The following CACNA2D3 variants were observed in gnomAD, a reference collection of about 807,000 sequenced individuals.
CACNA2D3 encodes calcium voltage-gated channel auxiliary subunit alpha2delta 3, also known as voltage-dependent calcium channel subunit alpha-2/delta-3.
A neutral mutation model predicts 160.6 loss-of-function variants in CACNA2D3; 60 were observed. The observed-to-expected ratio is 0.37, with a 90% CI of 0.30 to 0.46. The LOEUF (loss-of-function observed/expected upper bound fraction) is 0.46, where lower values mean the gene tolerates loss of function less well. Ranked by LOEUF, CACNA2D3 falls within the 20% of genes least tolerant of loss-of-function variation. The probability of loss-of-function intolerance (pLI) is 1.00; values close to 1 mark genes in which losing one functional copy is unlikely to be tolerated. For synonymous variants in CACNA2D3, 558 were observed against 492.9 expected, an observed-to-expected ratio of 1.13 and a Z score of -1.75; for missense variants, 1,205 against 1,365.0, an observed-to-expected ratio of 0.88 and a Z score of 1.85.
At chr3:54,602,497 CAAAAAAAAA>C (rs1156290031) in intron 9 of CACNA2D3, among the ~76,000 whole-genome samples, 1 of 71,212 alleles carries the variant, frequency 1.4e-5, no homozygotes, top group African/African-American at 5.5e-5. Flanking sequence ...GATTCCATCT[CAAAAAAAAA>C]AAAAAAAAAA....
intron 2 of CACNA2D3, among the ~76,000 whole-genome samples, chr3:54,285,676 C>A (rs541451519): frequency 1.3e-5 from 2 of 152,328 alleles, no homozygotes; most frequent in Non-Finnish European, 2.9e-5. Flanking sequence ...TGGGAGGCAC[C>A]CCCCAGTAGG....
At chr3:54,262,113 A>G (rs948220287) in intron 2 of CACNA2D3, among the ~76,000 whole-genome samples, 11 of 152,270 alleles carry the variant, frequency 7.2e-5, no homozygotes, top group Admixed American at 2.0e-4. Context: ...ACGTTCCCAG[A>G]ACCCACGACA....
In CACNA2D3 at chr3:55,018,317, A is replaced by C. The variant is rs749815729; in HGVS notation, c.2987A>C (p.Lys996Thr). The stretch of plus-strand genomic sequence containing the variant: ...AATATTGCTTGTGAAGACTGCTCCA[A>C]GTAAGCCATCCCCCCACCCTCTAAC... ...TGNIACEDCS[K>T]SFVIQQIPSS... The change falls in exon 35 of 38, where the codon AAG becomes ACG. Residue 996 changes from lysine to threonine, a missense_variant and splice_region_variant. Physicochemically the swap from Lys to Thr is moderately conservative, Grantham distance 78. Around this residue, in one of 3 missense-constraint regions of CACNA2D3, gnomAD observed 911 missense variants for 1,002.2 expected, o/e 0.91. Coordinates refer to ENST00000474759, the MANE Select transcript of CACNA2D3 (RefSeq NM_018398.3). 1 of 1,587,804 alleles carries C rather than the reference A, an allele frequency of 6.3e-7. No individual in the cohort carries two copies. Among genetic ancestry groups the C allele is most frequent in the East Asian group, 2.2e-5 (1 of 44,642 alleles).
intron 27 of CACNA2D3, among the ~76,000 whole-genome samples, chr3:54,962,496 A>C (rs975683053): frequency 9.9e-5 from 15 of 152,184 alleles, no homozygotes; most frequent in Admixed American, 9.2e-4. Context: ...TGACAACACT[A>C]TCAACTAGTT....
At chr3:54,831,263 A>C (rs758776525) in intron 14 of CACNA2D3, among the ~76,000 whole-genome samples, 3 of 152,182 alleles carry the variant, frequency 2.0e-5, no homozygotes, top group Non-Finnish European at 4.4e-5. Context: ...GCAGTCCTCA[A>C]ATGGGCTGCC....
chr3:55,040,368 ATTAT>A (rs1293683753), intron 35 of CACNA2D3, among the ~76,000 whole-genome samples: 2 of 152,204 alleles, frequency 1.3e-5, no homozygotes, highest in Non-Finnish European at 2.9e-5. Context: ...CAGCATAATA[ATTAT>A]TTAAGCTACA....
At chr3:54,513,403 T>G (rs1351806798) in intron 5 of CACNA2D3, among the ~76,000 whole-genome samples, 1 of 152,150 alleles carries the variant, frequency 6.6e-6, no homozygotes, top group African/African-American at 2.4e-5. Flanking sequence ...TTTGTGGTGC[T>G]TACTATGTTT....
At chr3:54,829,147 A>G (rs1229560763) in intron 14 of CACNA2D3, among the ~76,000 whole-genome samples, 3 of 152,186 alleles carry the variant, frequency 2.0e-5, no homozygotes, top group Non-Finnish European at 4.4e-5. Context: ...CAGAATCAAT[A>G]CTGTGGTCCC....
intron 35 of CACNA2D3, among the ~76,000 whole-genome samples, chr3:55,051,991 T>C (rs1704231648): frequency 6.6e-6 from 1 of 152,144 alleles, no homozygotes; most frequent in African/African-American, 2.4e-5. Flanking sequence ...ACCCATGACC[T>C]GCGCCCACTG....
intron 35 of CACNA2D3, among the ~76,000 whole-genome samples, chr3:55,038,516 A>G (rs565096354): frequency 1.4e-3 from 220 of 152,220 alleles, no homozygotes; most frequent in African/African-American, 5.1e-3. Context: ...CTATATATAC[A>G]TATAAAAACG....
At chr3:54,774,031 C>A (rs77158058) in intron 13 of CACNA2D3, among the ~76,000 whole-genome samples, 8 of 152,308 alleles carry the variant, frequency 5.3e-5, no homozygotes, top group Non-Finnish European at 1.0e-4. Context: ...ATAAGAGCAT[C>A]TAGCCTGAAT....
At chr3:54,318,724 T>TTAC (rs1015536490) in intron 2 of CACNA2D3, among the ~76,000 whole-genome samples, 2 of 141,420 alleles carry the variant, frequency 1.4e-5, no homozygotes, top group Non-Finnish European at 3.0e-5. Flanking sequence ...AGACAAGGCC[T>TTAC]TACTGTGTCA....
At chr3:54,982,112 C>T (rs1702521322) in intron 29 of CACNA2D3, among the ~76,000 whole-genome samples, 1 of 152,148 alleles carries the variant, frequency 6.6e-6, no homozygotes, top group South Asian at 2.1e-4. Context: ...TCCCCATGTC[C>T]TGTGGTCCTG....
intron 11 of CACNA2D3, among the ~76,000 whole-genome samples, chr3:54,725,477 T>C (rs1701258752): frequency 6.6e-6 from 1 of 152,084 alleles, no homozygotes; most frequent in African/African-American, 2.4e-5. Flanking sequence ...AAATTTGAGG[T>C]CAATATTGCT....
At chr3:54,541,073 T>A (rs570420263) in intron 5 of CACNA2D3, among the ~76,000 whole-genome samples, 14 of 151,856 alleles carry the variant, frequency 9.2e-5, no homozygotes, top group Admixed American at 3.3e-4. Flanking sequence ...GTCAGGATAT[T>A]GAGACCATCC....
chr3:54,720,709 C>G (rs983525716), intron 11 of CACNA2D3, among the ~76,000 whole-genome samples: 4 of 152,074 alleles, frequency 2.6e-5, no homozygotes, highest in African/African-American at 9.7e-5. Flanking sequence ...GTATTTCTCT[C>G]TGTCTCATTT....
chr3:54,385,184 G>T (rs1029659046), intron 3 of CACNA2D3, among the ~76,000 whole-genome samples: 1 of 152,200 alleles, frequency 6.6e-6, no homozygotes, highest in African/African-American at 2.4e-5. Flanking sequence ...AGACCAGATT[G>T]CTGGTCCTCA....
intron 5 of CACNA2D3, among the ~76,000 whole-genome samples, chr3:54,541,297 A>AAAAG (rs1553717803): frequency 1.6e-5 from 2 of 127,278 alleles, no homozygotes; most frequent in African/African-American, 5.1e-5. Context: ...AAAAAAAAAA[A>AAAAG]AAAAGAAAAG....
rs542870531 is a variant in CACNA2D3, at chr3:55,019,973, C to A, written c.2987+1656C>A. On this transcript the variant is annotated intron_variant, in intron 35 of 37. Transcript: ENST00000474759. The stretch of plus-strand genomic sequence containing the variant: ...TCAGTACATTCACAGTGTTGTGCAA[C>A]CATCACTATTAATTCCATAATTGCT... Among the ~76,000 whole-genome samples, 3 of 152,170 alleles carry A rather than the reference C, an allele frequency of 2.0e-5. No homozygotes were observed. The South Asian group carries it at 6.2e-4, about 32-fold the overall frequency.
Sources: gnomAD v4.1 joint callset for allele counts (sites outside exome capture counted in the v4.1 genomes callset) on GRCh38, gnomAD v4.1.1 for gene constraint, gnomAD v4.1.1 regional missense constraint, MANE v1.5 for transcripts, NCBI Gene and HGNC (gene_info 2026-07-23, HGNC 2026-07-21) for gene names.